LRRC8D: variants seen among roughly 807,000 people sequenced by gnomAD.
LRRC8D encodes volume-regulated anion channel subunit LRRC8D.
Under a neutral mutation model 55.8 loss-of-function variants are expected in LRRC8D, and 20 were observed. The observed-to-expected ratio is 0.36, with a 90% CI of 0.25 to 0.52. The LOEUF (loss-of-function observed/expected upper bound fraction) is 0.52, where lower values mean the gene tolerates loss of function less well. Ranked by LOEUF, LRRC8D falls within the 20% of genes least tolerant of loss-of-function variation. The pLI, the probability that LRRC8D is intolerant of heterozygous loss-of-function variation, is 0.93. For synonymous variants in LRRC8D, 352 were observed against 377.0 expected (o/e 0.93, Z 0.77); for missense variants, 651 against 1,030.8 (o/e 0.63, Z 5.05).
chr1:89,922,117 G>A (rs1309565747), intron 2 of LRRC8D, among the ~76,000 whole-genome samples: 1 of 151,992 alleles, frequency 6.6e-6, no homozygotes, highest in Non-Finnish European at 1.5e-5. Flanking sequence ...AGGCCAGGGT[G>A]CAGTGGGGCG....
chr1:89,931,695 G>C (rs186270082), intron 2 of LRRC8D, among the ~76,000 whole-genome samples: 13 of 152,234 alleles, frequency 8.5e-5, no homozygotes, highest in Non-Finnish European at 1.5e-4. Flanking sequence ...GGAGGCAGAG[G>C]TTGCAGTGAG....
intron 2 of LRRC8D, among the ~76,000 whole-genome samples, chr1:89,905,893 A>T (rs1662977346): frequency 6.6e-6 from 1 of 152,208 alleles, no homozygotes; most frequent in South Asian, 2.1e-4. Context: ...TAACATGAAG[A>T]GAGTGAGTAA....
chr1:89,837,423 C>T (rs1661026454), intron 1 of LRRC8D, among the ~76,000 whole-genome samples: 1 of 152,308 alleles, frequency 6.6e-6, no homozygotes, highest in East Asian at 1.9e-4. Context: ...CACTGTACCT[C>T]ATGAACTTTC....
chr1:89,912,312 C>T (rs1171179062), intron 2 of LRRC8D, among the ~76,000 whole-genome samples: 1 of 152,190 alleles, frequency 6.6e-6, no homozygotes, highest in Non-Finnish European at 1.5e-5. Flanking sequence ...GGGTTCCTTA[C>T]TGTCCCTTTG....
chr1:89,920,100 C>G (rs938634880), intron 2 of LRRC8D, among the ~76,000 whole-genome samples: 3 of 152,168 alleles, frequency 2.0e-5, no homozygotes, highest in African/African-American at 7.2e-5. Flanking sequence ...TGGGCCTTGA[C>G]TTTTAGAATT....
chr1:89,840,896 A>C (rs1661116187), intron 1 of LRRC8D, among the ~76,000 whole-genome samples: 1 of 152,120 alleles, frequency 6.6e-6, no homozygotes, highest in South Asian at 2.1e-4. Context: ...AGTAACAAAA[A>C]TGAAGGAGGG....
chr1:89,892,469 G>A (rs1487812161), intron 2 of LRRC8D, among the ~76,000 whole-genome samples: 1 of 152,092 alleles, frequency 6.6e-6, no homozygotes, highest in Non-Finnish European at 1.5e-5. Context: ...CACTCTAGGT[G>A]CAGTCATTTG....
At chr1:89,890,285 G>A (rs566903080) in intron 2 of LRRC8D, among the ~76,000 whole-genome samples, 28 of 152,328 alleles carry the variant, frequency 1.8e-4, no homozygotes, top group African/African-American at 5.1e-4. Context: ...GGGGGCCTCC[G>A]TGTTACAAAA....
chr1:89,867,018 T>G (rs1337022180), intron 2 of LRRC8D, among the ~76,000 whole-genome samples: 3 of 152,202 alleles, frequency 2.0e-5, no homozygotes, highest in African/African-American at 7.2e-5. Context: ...TTTATTGAGA[T>G]ATAATTCATA....
chr1:89,840,936 T>C (rs1661116787), intron 1 of LRRC8D, among the ~76,000 whole-genome samples: 2 of 152,218 alleles, frequency 1.3e-5, no homozygotes. Flanking sequence ...AACATAATTG[T>C]GTCCTTAAAA....
chr1:89,916,372 T>C (rs1304670509), intron 2 of LRRC8D, among the ~76,000 whole-genome samples: 5 of 152,260 alleles, frequency 3.3e-5, no homozygotes, highest in Non-Finnish European at 7.3e-5. Flanking sequence ...TTGTTTGTTT[T>C]ATCAAATCCT....
chr1:89,914,361 C>T (rs1157510547), intron 2 of LRRC8D, among the ~76,000 whole-genome samples: 1 of 152,204 alleles, frequency 6.6e-6, no homozygotes, highest in Non-Finnish European at 1.5e-5. Flanking sequence ...TCCCTGCAAG[C>T]TGAGGGAGTG....
intron 2 of LRRC8D, among the ~76,000 whole-genome samples, chr1:89,877,348 C>A (rs1167906847): frequency 3.3e-5 from 5 of 152,126 alleles, no homozygotes; most frequent in Non-Finnish European, 7.3e-5. Context: ...TCAATTTCCT[C>A]ATTGGCAAAA....
intron 1 of LRRC8D, among the ~76,000 whole-genome samples, chr1:89,826,823 CACTGGGT>C (rs1660776940): frequency 6.6e-6 from 1 of 152,118 alleles, no homozygotes; most frequent in Non-Finnish European, 1.5e-5. Flanking sequence ...AATGTCTAAC[CACTGGGT>C]ATTTGCTCCA....
chr1:89,833,779 T>TGGGTGGGTGGTG (rs1660940353), intron 1 of LRRC8D: 1 of 152,230 alleles, frequency 6.6e-6, no homozygotes, highest in African/African-American at 2.4e-5. Flanking sequence ...GGTGGTGAGG[T>TGGGTGGGTGGTG]AGGTGGTTGG....
chr1:89,897,556 C>T (rs894256327), intron 2 of LRRC8D, among the ~76,000 whole-genome samples: 1 of 152,144 alleles, frequency 6.6e-6, no homozygotes, highest in Admixed American at 6.5e-5. Context: ...CAATCTTAAT[C>T]CCATTAAATT....
At chr1:89,872,306 A>C (rs113251672) in intron 2 of LRRC8D, among the ~76,000 whole-genome samples, 3 of 152,244 alleles carry the variant, frequency 2.0e-5, no homozygotes, top group African/African-American at 7.2e-5. Context: ...GTTTTCAGAA[A>C]TGTCGCATAT....
chr1:89,922,207 G>A (rs1663440641), intron 2 of LRRC8D, among the ~76,000 whole-genome samples: 1 of 151,904 alleles, frequency 6.6e-6, no homozygotes, highest in African/African-American at 2.4e-5. Context: ...GGGATTACAG[G>A]TGCTCGCCAC....
chr1:89,829,564 G>A (rs1030647185), intron 1 of LRRC8D, among the ~76,000 whole-genome samples: 6 of 151,818 alleles, frequency 4.0e-5, no homozygotes, highest in African/African-American at 1.5e-4. Context: ...ACATTTCTTT[G>A]TATTTATTTT....
Sources: allele counts gnomAD v4.1 joint callset (sites outside exome capture counted in the v4.1 genomes callset), GRCh38; gene constraint gnomAD v4.1.1; transcripts MANE v1.5; gene names NCBI Gene and HGNC (gene_info 2026-07-23, HGNC 2026-07-21).